The following ROBO2 variants were observed in gnomAD, a reference collection of about 807,000 sequenced individuals.
ROBO2 encodes roundabout homolog 2.
A neutral mutation model predicts 160.8 loss-of-function variants in ROBO2; 53 were observed. The ratio of observed to expected loss-of-function variants is 0.33; its 90% CI spans 0.26 to 0.41. The LOEUF (loss-of-function observed/expected upper bound fraction) is 0.41, where lower values mean the gene tolerates loss of function less well. Among genes scored for constraint, ROBO2 ranks in the 10% least tolerant of loss-of-function variants. The pLI, the probability that ROBO2 is intolerant of heterozygous loss-of-function variation, is 1.00. For missense variants in ROBO2, 1,577 were observed against 1,722.4 expected, an observed-to-expected ratio of 0.92 and a Z score of 1.49; for synonymous variants, 664 against 611.7, an observed-to-expected ratio of 1.09 and a Z score of -1.26.
chr3:76,207,088 G>A (rs1287147571), intron 2 of ROBO2, among the ~76,000 whole-genome samples: 1 of 152,132 alleles, frequency 6.6e-6, no homozygotes, highest in Non-Finnish European at 1.5e-5. Context: ...TCTATCAGAA[G>A]CATTTAAGCA....
intron 2 of ROBO2, among the ~76,000 whole-genome samples, chr3:76,639,476 A>G (rs2090532880): frequency 6.6e-6 from 1 of 152,032 alleles, no homozygotes. Flanking sequence ...ACACACACAC[A>G]CACACACACA....
intron 2 of ROBO2, among the ~76,000 whole-genome samples, chr3:76,926,104 A>G (rs1384270859): frequency 1.3e-5 from 2 of 152,144 alleles, no homozygotes; most frequent in Non-Finnish European, 2.9e-5. Flanking sequence ...ATTGATGCAA[A>G]CTTCTTTGCC....
chr3:76,870,383 C>G (rs2071898169), intron 2 of ROBO2, among the ~76,000 whole-genome samples: 1 of 152,158 alleles, frequency 6.6e-6, no homozygotes, highest in Non-Finnish European at 1.5e-5. Context: ...ATTATATGGG[C>G]CTCTGGAATC....
chr3:77,507,382 A>T (rs1395199811), intron 5 of ROBO2, among the ~76,000 whole-genome samples: 2 of 152,214 alleles, frequency 1.3e-5, no homozygotes, highest in East Asian at 3.9e-4. Context: ...CAACAAAGAC[A>T]GCAAGGTCGC....
chr3:77,598,520 T>C (rs2094360362), intron 19 of ROBO2, among the ~76,000 whole-genome samples: 1 of 103,742 alleles, frequency 9.6e-6, no homozygotes, highest in Admixed American at 1.1e-4. Flanking sequence ...CACATATATA[T>C]ATATGTGTAT....
At chr3:76,129,877 A>G (rs925896067) in intron 2 of ROBO2, among the ~76,000 whole-genome samples, 3 of 151,820 alleles carry the variant, frequency 2.0e-5, no homozygotes, top group South Asian at 2.1e-4. Flanking sequence ...TATGCCTATA[A>G]CTCTAGATCA....
At chr3:76,270,352 G>A (rs1313995814) in intron 2 of ROBO2, among the ~76,000 whole-genome samples, 1 of 151,850 alleles carries the variant, frequency 6.6e-6, no homozygotes, top group African/African-American at 2.4e-5. Flanking sequence ...TCAGAAACAT[G>A]ACACATTTCC....
At chr3:76,032,920 T>C (rs1056626498) in intron 2 of ROBO2, among the ~76,000 whole-genome samples, 8 of 152,234 alleles carry the variant, frequency 5.3e-5, no homozygotes, top group Admixed American at 4.6e-4. Flanking sequence ...GGATATTATA[T>C]GATACTGCTT....
chr3:77,508,876 A>T (rs2088974172), intron 5 of ROBO2, among the ~76,000 whole-genome samples: 1 of 152,086 alleles, frequency 6.6e-6, no homozygotes, highest in African/African-American at 2.4e-5. Flanking sequence ...CGGTTTCTTC[A>T]TCTAGGCAAC....
intron 2 of ROBO2, among the ~76,000 whole-genome samples, chr3:76,716,796 A>G (rs2093386585): frequency 6.6e-6 from 1 of 152,158 alleles, no homozygotes; most frequent in African/African-American, 2.4e-5. Flanking sequence ...CCTGTAGGGT[A>G]TCTTTGAGTG....
intron 2 of ROBO2, among the ~76,000 whole-genome samples, chr3:76,390,816 T>C (rs1193299577): frequency 6.6e-6 from 1 of 152,164 alleles, no homozygotes; most frequent in Non-Finnish European, 1.5e-5. Flanking sequence ...TTCTGTATTG[T>C]GGATTAGTCA....
intron 2 of ROBO2, among the ~76,000 whole-genome samples, chr3:77,034,523 C>T (rs2063513799): frequency 6.6e-6 from 1 of 151,674 alleles, no homozygotes; most frequent in South Asian, 2.1e-4. Flanking sequence ...AGGATAAAAC[C>T]ATAGACAGTT....
intron 2 of ROBO2, among the ~76,000 whole-genome samples, chr3:77,165,531 C>T (rs2078995172): frequency 6.8e-6 from 1 of 146,852 alleles, no homozygotes; most frequent in African/African-American, 2.5e-5. Context: ...AAATCCCCCT[C>T]TGTGAGAAAC....
At chr3:77,274,807 G>A (rs573438165) in intron 2 of ROBO2, among the ~76,000 whole-genome samples, 2 of 152,010 alleles carry the variant, frequency 1.3e-5, no homozygotes, top group East Asian at 3.9e-4. Context: ...TTTTGTGAGT[G>A]AATAATCTGA....
intron 2 of ROBO2, among the ~76,000 whole-genome samples, chr3:76,658,531 C>T (rs2091678238): frequency 6.6e-6 from 1 of 152,114 alleles, no homozygotes; most frequent in Non-Finnish European, 1.5e-5. Flanking sequence ...GTTCCCCTCC[C>T]TGTGTCCATG....
intron 2 of ROBO2, among the ~76,000 whole-genome samples, chr3:77,417,747 G>A (rs960195929): frequency 2.0e-5 from 3 of 152,006 alleles, no homozygotes; most frequent in African/African-American, 7.2e-5. Context: ...TAGTGTTCTT[G>A]TACTCAGCAA....
At chr3:76,861,128 G>C (rs150902726) in intron 2 of ROBO2, among the ~76,000 whole-genome samples, 1 of 152,150 alleles carries the variant, frequency 6.6e-6, no homozygotes, top group East Asian at 1.9e-4. Context: ...CCCTTTCTCT[G>C]ACATTACACT....
At chr3:77,132,697 ATT>A (rs549376606) in intron 2 of ROBO2, among the ~76,000 whole-genome samples, 2 of 146,448 alleles carry the variant, frequency 1.4e-5, no homozygotes, top group Admixed American at 6.9e-5. Flanking sequence ...TTGGCCACTG[ATT>A]TTTTTTTTTT....
chr3:76,181,142 C>T (rs1701482156), intron 2 of ROBO2, among the ~76,000 whole-genome samples: 1 of 152,028 alleles, frequency 6.6e-6, no homozygotes, highest in African/African-American at 2.4e-5. Context: ...ATACCTTTAT[C>T]TCCTCATAGC....
Sources: gnomAD v4.1 joint callset for allele counts (sites outside exome capture counted in the v4.1 genomes callset) on GRCh38, gnomAD v4.1.1 for gene constraint, MANE v1.5 for transcripts, NCBI Gene and HGNC (gene_info 2026-07-23, HGNC 2026-07-21) for gene names.